The following ZFHX3 variants were observed in gnomAD, a reference collection of about 807,000 sequenced individuals.
ZFHX3 encodes the protein zinc finger homeobox 3, also known as zinc finger homeobox protein 3.
A neutral mutation model predicts 279.1 loss-of-function variants in ZFHX3; 42 were observed. That is an observed-to-expected ratio of 0.15 (90% CI 0.12 to 0.19). ZFHX3 has a LOEUF of 0.19. ZFHX3 is among the 10% of genes least tolerant of loss of function. The pLI is 1.00. For missense variants in ZFHX3, 4,981 were observed against 4,754.0 expected (o/e 1.05, Z -1.40); for synonymous variants, 2,293 against 1,957.8 (o/e 1.17, Z -4.52).
intron 2 of ZFHX3, among the ~76,000 whole-genome samples, chr16:73,474,988 G>A (rs79329758): frequency 0.016 from 2,415 of 152,240 alleles, 158 homozygotes; most frequent in East Asian, 0.11. Context: ...TGTATGATGA[G>A]GTCACTGGGC....
intron 3 of ZFHX3, among the ~76,000 whole-genome samples, chr16:73,405,765 T>C (rs1041115010): frequency 6.6e-6 from 1 of 152,194 alleles, no homozygotes; most frequent in Non-Finnish European, 1.5e-5. Context: ...GGGATGCATA[T>C]TTCACTAGGA....
intron 4 of ZFHX3, among the ~76,000 whole-genome samples, chr16:73,295,497 C>T (rs964122929): frequency 1.3e-5 from 2 of 152,222 alleles, no homozygotes; most frequent in African/African-American, 2.4e-5. Flanking sequence ...GAGAATTAAG[C>T]TCCAACTACA....
chr16:73,219,275 A>T (rs988394182), intron 5 of ZFHX3, among the ~76,000 whole-genome samples: 2 of 151,992 alleles, frequency 1.3e-5, no homozygotes, highest in Non-Finnish European at 2.9e-5. Context: ...ATACAGACCT[A>T]TGCTGTTGTG....
intron 3 of ZFHX3, among the ~76,000 whole-genome samples, chr16:72,928,839 G>A (rs1959634263): frequency 6.6e-6 from 1 of 152,186 alleles, no homozygotes; most frequent in Non-Finnish European, 1.5e-5. Flanking sequence ...GTATGTGCCT[G>A]TAGTCCCAGC....
intron 1 of ZFHX3, among the ~76,000 whole-genome samples, chr16:72,992,598 G>C (rs1230297360): frequency 6.6e-5 from 10 of 152,092 alleles, no homozygotes; most frequent in Admixed American, 3.3e-4. Context: ...CCAAAAGAGG[G>C]GACTCAGCCA....
intron 1 of ZFHX3, among the ~76,000 whole-genome samples, chr16:73,745,448 G>T (rs1346262749): frequency 6.6e-6 from 1 of 152,110 alleles, no homozygotes; most frequent in Non-Finnish European, 1.5e-5. Context: ...AGACACAAAG[G>T]CCCTCATGGG....
intron 2 of ZFHX3, among the ~76,000 whole-genome samples, chr16:73,644,065 A>C (rs973876817): frequency 2.0e-4 from 31 of 152,010 alleles, no homozygotes; most frequent in African/African-American, 7.0e-4. Flanking sequence ...GATGGACCAC[A>C]CACCCCATCC....
intron 4 of ZFHX3, among the ~76,000 whole-genome samples, chr16:73,309,112 G>A (rs1391803880): frequency 6.6e-6 from 1 of 152,152 alleles, no homozygotes; most frequent in Non-Finnish European, 1.5e-5. Flanking sequence ...AGGGCTACAT[G>A]TGCAGGTTTG....
At chr16:73,225,981 T>C (rs111619693) in intron 5 of ZFHX3, among the ~76,000 whole-genome samples, 2 of 152,178 alleles carry the variant, frequency 1.3e-5, no homozygotes, top group African/African-American at 4.8e-5. Context: ...CTGAGATGTA[T>C]CCTTCCTAGG....
At chr16:73,685,022 A>T (rs2380346) in intron 1 of ZFHX3, among the ~76,000 whole-genome samples, 206 of 1,214 alleles carry the variant, frequency 0.17, 1 homozygote, top group Non-Finnish European at 0.3. Flanking sequence ...TTTATTTATT[A>T]TTATTTTTTT....
intron 7 of ZFHX3, among the ~76,000 whole-genome samples, chr16:73,106,298 T>A (rs889534411): frequency 3.9e-5 from 6 of 152,098 alleles, no homozygotes; most frequent in African/African-American, 1.4e-4. Flanking sequence ...ATTCTTTTAT[T>A]ATTTAGTGAT....
At chr16:73,373,315 G>A (rs1325459821) in intron 3 of ZFHX3, among the ~76,000 whole-genome samples, 1 of 152,186 alleles carries the variant, frequency 6.6e-6, no homozygotes, top group Non-Finnish European at 1.5e-5. Flanking sequence ...AATTTTGGGT[G>A]AGATGGATCA....
chr16:73,480,452 C>T (rs1250966900), intron 2 of ZFHX3, among the ~76,000 whole-genome samples: 1 of 152,178 alleles, frequency 6.6e-6, no homozygotes, highest in Non-Finnish European at 1.5e-5. Context: ...CTATTTTTAA[C>T]TCCTCCTGCC....
chr16:73,042,295 G>A (rs2144704630), intron 1 of ZFHX3, among the ~76,000 whole-genome samples: 1 of 152,232 alleles, frequency 6.6e-6, no homozygotes, highest in South Asian at 2.1e-4. Flanking sequence ...ATTCAAATGA[G>A]AAGACAGAGG....
In ZFHX3 at chr16:72,794,566, G is replaced by C. The variant is rs765402795; in HGVS notation, c.8116C>G (p.Pro2706Ala). The C allele has an allele frequency of 6.2e-7, 1 of 1,614,208 alleles. No individual in the cohort carries two copies. The highest frequency in any genetic ancestry group is 8.5e-7 in the Non-Finnish European group (1 of 1,180,046). ...ERKGQFRAVG[P>A]AQAHRRCPFC... The stretch of plus-strand genomic sequence containing the variant: ...GGGCATCTCCTGTGGGCCTGCGCTG[G>C]GCCTACAGCCCGGAACTGTCCTTTC... The change falls in exon 9 of 10, where the codon CCA becomes GCA. Residue 2706 changes from proline (P) to alanine (A), a missense_variant. This residue lies in a region of ZFHX3 where 744 missense variants were observed against 701.3 expected (regional missense o/e 1.06). Transcript: ENST00000268489. This position sits in a 1 kb window ranked among gnomAD's most constrained non-coding sequence, Gnocchi z 4.2.
intron 2 of ZFHX3, among the ~76,000 whole-genome samples, chr16:73,536,161 C>T (rs1337328198): frequency 6.6e-6 from 1 of 152,156 alleles, no homozygotes; most frequent in African/African-American, 2.4e-5. Flanking sequence ...CAGTCAGGCA[C>T]ACCGATTACT....
At chr16:73,366,860 G>C (rs1279968205) in intron 3 of ZFHX3, among the ~76,000 whole-genome samples, 1 of 152,166 alleles carries the variant, frequency 6.6e-6, no homozygotes, top group Non-Finnish European at 1.5e-5. Context: ...TTGTACCACA[G>C]AGAATGTTCA....
intron 5 of ZFHX3, among the ~76,000 whole-genome samples, chr16:72,814,789 G>A (rs945629226): frequency 6.6e-6 from 1 of 152,072 alleles, no homozygotes; most frequent in African/African-American, 2.4e-5. Flanking sequence ...GCATCCACTG[G>A]TGCACAAACT....
chr16:73,696,313 A>G (rs1199529755), intron 1 of ZFHX3, among the ~76,000 whole-genome samples: 1 of 152,166 alleles, frequency 6.6e-6, no homozygotes, highest in Non-Finnish European at 1.5e-5. Context: ...TGGGCAGAAC[A>G]CCGTCAGGGT....
Sources: allele counts gnomAD v4.1 joint callset (sites outside exome capture counted in the v4.1 genomes callset), GRCh38; gene constraint gnomAD v4.1.1; regional missense constraint gnomAD v4.1.1; non-coding constraint Gnocchi (gnomAD v3.1); transcripts MANE v1.5; gene names NCBI Gene and HGNC (gene_info 2026-07-23, HGNC 2026-07-21).